Variants in SLC30A8 observed in about 807,000 individuals in gnomAD.
The protein encoded by SLC30A8 is proton-coupled zinc antiporter SLC30A8.
A neutral mutation model predicts 36.9 loss-of-function variants in SLC30A8; 27 were observed. That is an observed-to-expected ratio of 0.73 (90% CI 0.54 to 1.01). SLC30A8 has a LOEUF of 1.01. Ranked by LOEUF, SLC30A8 falls within the 50% of genes least tolerant of loss-of-function variation. The probability of loss-of-function intolerance (pLI) is 0.00; values close to 1 mark genes in which losing one functional copy is unlikely to be tolerated. For missense variants in SLC30A8, 439 were observed against 452.0 expected (o/e 0.97, Z 0.26); for synonymous variants, 164 against 172.4 (o/e 0.95, Z 0.38).
At chr8:117,151,429 G>C (rs1027092479) in intron 2 of SLC30A8, among the ~76,000 whole-genome samples, 4 of 152,224 alleles carry the variant, frequency 2.6e-5, no homozygotes, top group Non-Finnish European at 5.9e-5. Flanking sequence ...TGCAAGATCA[G>C]TCACAAACTA....
At chr8:117,129,037 A>G (rs1192794353) in intron 2 of SLC30A8, among the ~76,000 whole-genome samples, 1 of 152,086 alleles carries the variant, frequency 6.6e-6, no homozygotes, top group Non-Finnish European at 1.5e-5. Context: ...TTCAGGTGTC[A>G]GGTGTGCTAG....
chr8:116,986,470 G>A (rs1815447883), intron 1 of SLC30A8, among the ~76,000 whole-genome samples: 1 of 152,034 alleles, frequency 6.6e-6, no homozygotes. Context: ...TCTACCTATT[G>A]GACATTTTGG....
At chr8:116,981,996 G>A (rs1815282523) in intron 1 of SLC30A8, among the ~76,000 whole-genome samples, 1 of 152,148 alleles carries the variant, frequency 6.6e-6, no homozygotes. Context: ...TTGTTACACT[G>A]CTTTCCACAA....
chr8:117,063,988 C>T (rs1312689364), intron 2 of SLC30A8, among the ~76,000 whole-genome samples: 1 of 151,290 alleles, frequency 6.6e-6, no homozygotes, highest in Non-Finnish European at 1.5e-5. Flanking sequence ...GTGGTGGCTA[C>T]CTTAGAAAAA....
chr8:117,089,755 T>C (rs1238330245), intron 2 of SLC30A8, among the ~76,000 whole-genome samples: 2 of 152,108 alleles, frequency 1.3e-5, no homozygotes, highest in Non-Finnish European at 2.9e-5. Context: ...TGGGCTCCCA[T>C]TGCCCTTTCT....
At chr8:116,962,000 A>C (rs750251832) in intron 1 of SLC30A8, among the ~76,000 whole-genome samples, 4 of 152,020 alleles carry the variant, frequency 2.6e-5, no homozygotes, top group Non-Finnish European at 5.9e-5. Flanking sequence ...AACACATTCA[A>C]ATCACAGCAG....
At chr8:117,068,743 A>G (rs546131643) in intron 2 of SLC30A8, among the ~76,000 whole-genome samples, 2 of 151,942 alleles carry the variant, frequency 1.3e-5, no homozygotes, top group East Asian at 3.9e-4. Context: ...TGCTCGGCTA[A>G]TTTCTGTATT....
intron 1 of SLC30A8, among the ~76,000 whole-genome samples, chr8:116,972,265 C>T (rs959768803): frequency 2.0e-5 from 3 of 152,212 alleles, no homozygotes; most frequent in Admixed American, 6.5e-5. Flanking sequence ...GCAATTTATA[C>T]TTTTGCTGAA....
In SLC30A8 at chr8:116,968,673, C is replaced by A. The variant is rs193092093; in HGVS notation, c.-266+17554C>A. 2.0e-4 allele frequency among the ~76,000 whole-genome samples: 30 copies of A among 151,746 alleles called. No individual in the cohort carries two copies. The East Asian group carries it at 5.8e-3, about 29-fold the overall frequency. On this transcript the variant is annotated intron_variant, in intron 1 of 10. Coordinates refer to the SLC30A8 transcript ENST00000427715. Reference sequence around the variant, plus strand: ...AATATATATATATATATATTCCATTCTCTTATAGGAAAGAGGAGTGAATAG... The same window carrying A: ...AATATATATATATATATATTCCATTATCTTATAGGAAAGAGGAGTGAATAG...
Position 116,986,635 on chromosome 8 carries a change from G to A in SLC30A8, c.-266+35516G>A, listed in dbSNP as rs1351351815. 3.3e-5 allele frequency among the ~76,000 whole-genome samples: 5 copies of A among 152,244 alleles called. No homozygotes were observed. The East Asian group carries it at 9.7e-4, about 29-fold the overall frequency. ...GCTCATCTTGTATGGTGTTCAGGGA[G>A]AATTAATCAGTTACACCCCAGTCAG... On this transcript the variant is annotated intron_variant, in intron 1 of 10. Transcript: ENST00000427715.
In SLC30A8 at chr8:117,173,273, C is replaced by T. The variant is rs1352871861; in HGVS notation, c.*592C>T. 2 of 152,100 alleles carry T rather than the reference C, an allele frequency of 1.3e-5. No individual in the cohort carries two copies. The highest frequency in any genetic ancestry group is 2.9e-5 in the Non-Finnish European group (2 of 68,038). 9.4% of individuals were successfully genotyped at this position (152,100 alleles called of 1,614,324 possible). ...TTTTTATTTACTTGTCACATTTTGGCAATAAATCCCTCTTATTTCTAAATT... is the reference window on the plus strand; with the variant it reads ...TTTTTATTTACTTGTCACATTTTGGTAATAAATCCCTCTTATTTCTAAATT... On this transcript the variant is annotated 3_prime_UTR_variant, in exon 8 of 8. Coordinates refer to ENST00000456015, the MANE Select transcript of SLC30A8 (RefSeq NM_173851.3).
At chr8:117,021,202 A>G (rs1309367209) in intron 1 of SLC30A8, among the ~76,000 whole-genome samples, 1 of 152,208 alleles carries the variant, frequency 6.6e-6, no homozygotes, top group Non-Finnish European at 1.5e-5. Context: ...GTTACCATGT[A>G]GAGCTTTTCA....
At chr8:117,022,281 G>A (rs971059856) in intron 1 of SLC30A8, among the ~76,000 whole-genome samples, 1 of 151,880 alleles carries the variant, frequency 6.6e-6, no homozygotes, top group Non-Finnish European at 1.5e-5. Flanking sequence ...TTTTTAAACA[G>A]GTCAAAAAAC....
At chr8:117,013,580 G>T (rs1189400488) in intron 1 of SLC30A8, among the ~76,000 whole-genome samples, 2 of 152,078 alleles carry the variant, frequency 1.3e-5, no homozygotes, top group Non-Finnish European at 2.9e-5. Flanking sequence ...TCCACAATGT[G>T]TCAGGTATAT....
At chr8:116,996,471 C>T (rs998099642) in intron 1 of SLC30A8, among the ~76,000 whole-genome samples, 4 of 152,100 alleles carry the variant, frequency 2.6e-5, no homozygotes, top group Admixed American at 6.5e-5. Context: ...ACATGTGTTA[C>T]CTCACATACT....
Position 117,172,732 on chromosome 8 carries a change from C to G in SLC30A8, c.*51C>G. 1 of 1,599,026 alleles carries G rather than the reference C, an allele frequency of 6.3e-7. No individual in the cohort carries two copies. Among genetic ancestry groups the G allele is most frequent in the African/African-American group, 1.3e-5 (1 of 74,604 alleles). ...ATTTGACAGGCCACCTTCAAACATG[C>G]TGCTATGCAGTTTCTGCATCATAGA... On this transcript the variant is annotated 3_prime_UTR_variant, in exon 8 of 8. Transcript: ENST00000456015.
rs577387591 is a variant in SLC30A8, at chr8:117,065,383, T to G, written c.-226+26125T>G. Reference sequence around the variant, plus strand: ...GAACCTAAAGAAGGAAGGATATTATTTATATTAATAGAAAACTTTTTCCCC... The same window carrying G: ...GAACCTAAAGAAGGAAGGATATTATGTATATTAATAGAAAACTTTTTCCCC... On this transcript the variant is annotated intron_variant, in intron 2 of 10. Coordinates refer to the SLC30A8 transcript ENST00000427715. 7.9e-5 allele frequency among the ~76,000 whole-genome samples: 12 copies of G among 152,274 alleles called. No homozygotes were observed. The South Asian group carries it at 2.5e-3, about 32-fold the overall frequency.
At chr8:116,987,744 G>A (rs1815498443) in intron 1 of SLC30A8, among the ~76,000 whole-genome samples, 1 of 151,966 alleles carries the variant, frequency 6.6e-6, no homozygotes, top group African/African-American at 2.4e-5. Context: ...TGCCCAGGTT[G>A]GAGTGCAGTG....
chr8:117,037,976 A>T (rs1249400593), intron 1 of SLC30A8, among the ~76,000 whole-genome samples: 1 of 152,230 alleles, frequency 6.6e-6, no homozygotes, highest in East Asian at 1.9e-4. Context: ...CTGCAGATTC[A>T]GACATTGCAG....
Sources: allele counts gnomAD v4.1 joint callset (sites outside exome capture counted in the v4.1 genomes callset), GRCh38; gene constraint gnomAD v4.1.1; transcripts MANE v1.5; gene names NCBI Gene and HGNC (gene_info 2026-07-23, HGNC 2026-07-21).